Variants in GAS2 observed in about 807,000 individuals in gnomAD.
The protein encoded by GAS2 is growth arrest specific 2, also known as growth arrest-specific protein 2.
Under a neutral mutation model 37.5 loss-of-function variants are expected in GAS2, and 20 were observed. The ratio of observed to expected loss-of-function variants is 0.53; its 90% CI spans 0.37 to 0.77. The LOEUF (loss-of-function observed/expected upper bound fraction) is 0.77, where lower values mean the gene tolerates loss of function less well. GAS2 is among the 30% of genes least tolerant of loss of function. The pLI is 0.00. For synonymous variants in GAS2, 144 were observed against 132.2 expected, an observed-to-expected ratio of 1.09 and a Z score of -0.61; for missense variants, 336 against 373.4, an observed-to-expected ratio of 0.90 and a Z score of 0.82.
At chr11:22,681,558 A>G (rs1449837013) in intron 2 of GAS2, among the ~76,000 whole-genome samples, 1 of 152,128 alleles carries the variant, frequency 6.6e-6, no homozygotes, top group Non-Finnish European at 1.5e-5. Context: ...ATTTAATTGT[A>G]TTCATTTATT....
intron 1 of GAS2, among the ~76,000 whole-genome samples, chr11:22,657,322 C>T (rs1481167575): frequency 2.6e-5 from 4 of 152,116 alleles, no homozygotes. Context: ...CTATGTATGG[C>T]AAACAAGGTG....
intron 1 of GAS2, chr11:22,626,263 CAT>C (rs767469777): frequency 1.5e-4 from 31 of 212,492 alleles, no homozygotes; most frequent in African/African-American, 3.2e-4. Flanking sequence ...ATTTGAGAAA[CAT>C]GTACTAAAAA....
At chr11:22,642,924 A>G (rs773497115) in intron 1 of GAS2, among the ~76,000 whole-genome samples, 7 of 152,128 alleles carry the variant, frequency 4.6e-5, no homozygotes, top group Non-Finnish European at 7.4e-5. Flanking sequence ...TCTGCGTAGC[A>G]TTTTGTTCTC....
intron 3 of GAS2, 131 bp from the exon 4 acceptor site, chr11:22,726,161 T>C: frequency 1.2e-6 from 1 of 819,684 alleles, no homozygotes. Flanking sequence ...ATATTTCCTT[T>C]CTAGGGTTCT....
intron 1 of GAS2, among the ~76,000 whole-genome samples, chr11:22,650,636 C>G (rs1359225463): frequency 6.7e-6 from 1 of 149,812 alleles, no homozygotes; most frequent in African/African-American, 2.4e-5. Flanking sequence ...GGATAGTTAG[C>G]TCTTCTTGTT....
At chr11:22,694,638 G>A (rs994215767) in intron 3 of GAS2, among the ~76,000 whole-genome samples, 1 of 152,004 alleles carries the variant, frequency 6.6e-6, no homozygotes. Context: ...CTGGCTTTTT[G>A]TGCCATTTAG....
chr11:22,789,299 TATATAC>T (rs1564889619), intron 7 of GAS2, among the ~76,000 whole-genome samples: 1 of 99,670 alleles, frequency 1.0e-5, no homozygotes, highest in African/African-American at 4.7e-5. Flanking sequence ...TATATATATA[TATATAC>T]ACACACACAC....
intron 1 of GAS2, among the ~76,000 whole-genome samples, chr11:22,631,379 T>C (rs1387486313): frequency 1.3e-5 from 2 of 152,142 alleles, no homozygotes; most frequent in African/African-American, 4.8e-5. Flanking sequence ...CTGTGTTGAA[T>C]AGAAGTGATG....
intron 3 of GAS2, among the ~76,000 whole-genome samples, chr11:22,707,796 G>C (rs1851198166): frequency 1.3e-5 from 2 of 152,156 alleles, no homozygotes; most frequent in Admixed American, 1.3e-4. Flanking sequence ...ATGGACTGGT[G>C]AAGCTCACAT....
intron 7 of GAS2, among the ~76,000 whole-genome samples, chr11:22,774,968 A>G (rs1280602340): frequency 6.7e-6 from 1 of 149,622 alleles, no homozygotes; most frequent in Non-Finnish European, 1.5e-5. Flanking sequence ...AGATGAGGGG[A>G]AGAGAGAGAG....
chr11:22,733,796 GA>G (rs1852607237), intron 4 of GAS2, among the ~76,000 whole-genome samples: 3 of 151,634 alleles, frequency 2.0e-5, no homozygotes, highest in Admixed American at 2.0e-4. Context: ...TATTTAAAAA[GA>G]AGCCGCCAAT....
intron 1 of GAS2, among the ~76,000 whole-genome samples, chr11:22,649,043 G>C (rs1181762274): frequency 2.6e-5 from 4 of 152,186 alleles, no homozygotes; most frequent in African/African-American, 9.7e-5. Flanking sequence ...GTATGATATT[G>C]GCTGTGGGTT....
At position 22,735,440 on chromosome 11, in the gene GAS2, C is replaced by G. The variant is rs969965439; in HGVS notation, c.410-2265C>G. 4.6e-5 allele frequency among the ~76,000 whole-genome samples: 7 copies of G among 151,676 alleles called. No homozygotes were observed. The South Asian group carries it at 1.2e-3, about 27-fold the overall frequency. ...GATGCTGGGGAAGAGGTTTATCTGT[C>G]TTAAATTTTAACGGGCTGATTCTGT... On this transcript the variant is annotated intron_variant, in intron 4 of 7. Transcript: ENST00000454584.
At chr11:22,630,292 G>A (rs774232524) in intron 1 of GAS2, among the ~76,000 whole-genome samples, 14 of 152,134 alleles carry the variant, frequency 9.2e-5, no homozygotes, top group Non-Finnish European at 2.9e-5. Flanking sequence ...GTGAGAACAT[G>A]TGATGTTTGG....
intron 5 of GAS2, among the ~76,000 whole-genome samples, chr11:22,744,614 A>C (rs1219896053): frequency 6.6e-6 from 1 of 152,120 alleles, no homozygotes; most frequent in Non-Finnish European, 1.5e-5. Context: ...ATGATAAAAA[A>C]AACCCTCAAC....
intron 1 of GAS2, among the ~76,000 whole-genome samples, chr11:22,653,162 T>C (rs553783151): frequency 1.3e-5 from 2 of 151,830 alleles, no homozygotes; most frequent in East Asian, 1.9e-4. Context: ...TCCTGCTTTT[T>C]CTTCCCCTTA....
At chr11:22,743,953 G>A (rs77180533) in intron 5 of GAS2, among the ~76,000 whole-genome samples, 1,820 of 152,124 alleles carry the variant, frequency 0.012, 38 homozygotes, top group African/African-American at 0.042. Flanking sequence ...GAATGACAAG[G>A]ATGACACTGT....
chr11:22,747,702 G>A (rs905274910), intron 5 of GAS2, among the ~76,000 whole-genome samples: 2 of 152,042 alleles, frequency 1.3e-5, no homozygotes, highest in African/African-American at 4.8e-5. Flanking sequence ...CAAGCAAAGT[G>A]GGGGGTCCAT....
rs535240895 is a variant in GAS2 at position 22,712,566 on chromosome 11, A to G, written c.268-13726A>G. 4.6e-5 allele frequency among the ~76,000 whole-genome samples: 7 copies of G among 152,334 alleles called. No individual in the cohort carries two copies. The East Asian group carries it at 1.3e-3, about 29-fold the overall frequency. On this transcript the variant is annotated intron_variant, in intron 3 of 7. Transcript: ENST00000454584. ...ATCTGAACAGCAGCGCTTGAGTTCC[A>G]GATATTTCCAATGAAACATTCTACC...
Sources: allele counts gnomAD v4.1 joint callset (sites outside exome capture counted in the v4.1 genomes callset), GRCh38; gene constraint gnomAD v4.1.1; transcripts MANE v1.5; gene names NCBI Gene and HGNC (gene_info 2026-07-23, HGNC 2026-07-21).